TLCD1: variants seen among roughly 807,000 people sequenced by gnomAD.
TLCD1 encodes the protein TLC domain containing 1.
TLCD1 carries 21 observed loss-of-function variants against 21.2 expected under a neutral mutation model. The observed-to-expected ratio is 0.99, with a 90% confidence interval of 0.70 to 1.42. The LOEUF (loss-of-function observed/expected upper bound fraction) is 1.42. TLCD1 is among the 40% of genes most tolerant of loss of function. The probability of loss-of-function intolerance (pLI) is 0.00; values close to 1 mark genes in which losing one functional copy is unlikely to be tolerated. For missense variants in TLCD1, 344 were observed against 330.3 expected, an observed-to-expected ratio of 1.04 and a Z score of -0.32; for synonymous variants, 168 against 134.8, an observed-to-expected ratio of 1.25 and a Z score of -1.71.
rs770449295 is a variant in TLCD1 at position 28,726,077 on chromosome 17, G to A, written c.21C>T (p.Pro7=). The change falls in exon 1 of 4, where the codon CCC becomes CCT. Residue 7 remains proline, a synonymous_variant. Coordinates refer to ENST00000292090, the MANE Select transcript of TLCD1 (RefSeq NM_138463.4). MPRLLH[P]ALPLLLGATL... ...TGGCGCCCAGGAGCAGCGGCAGGGC[G>A]GGGTGCAGCAGTCGGGGCATGCTGG... 1.2e-5 allele frequency: 18 copies of A among 1,493,392 alleles called. No individual in the cohort carries two copies. The South Asian group carries it at 2.3e-4, about 19-fold the overall frequency. 92.5% of individuals were successfully genotyped at this position (1,493,392 alleles called of 1,614,324 possible).
chr17:28,726,048 A>C lies in TLCD1; in HGVS notation c.50T>G (p.Leu17Arg). The change falls in exon 1 of 4, where the codon CTG becomes CGG. Residue 17 changes from leucine to arginine, a missense_variant. Physicochemically the swap from Leu to Arg is moderately radical, Grantham distance 102 (BLOSUM62 -2). Transcript: ENST00000292090. ...PALPLLLGAT[L>R]TFRALRRALC... The stretch of plus-strand genomic sequence containing the variant: ...CGCGCGCCGGAGCGCCCGGAAGGTC[A>C]GCGTGGCGCCCAGGAGCAGCGGCAG... The C allele has an allele frequency of 6.4e-7, 1 of 1,566,406 alleles. No homozygotes were observed. The highest frequency in any genetic ancestry group is 8.6e-7 in the Non-Finnish European group (1 of 1,161,008).
upstream of TLCD1, chr17:28,726,276 CCGCCCCCAGCCGCCCG>C: frequency 8.4e-7 from 1 of 1,189,304 alleles, no homozygotes; most frequent in Non-Finnish European, 1.0e-6. Context: ...GCCTCTGCCC[CCGCCCCCAGCCGCCCG>C]CGCCCCCGCC....
chr17:28,726,208 C>A lies in TLCD1; in HGVS notation c.-111G>T. 2 of 1,369,448 alleles carry A rather than the reference C, an allele frequency of 1.5e-6. No homozygotes were observed. The highest frequency in any genetic ancestry group is 1.9e-6 in the Non-Finnish European group (2 of 1,069,550). The allele number at this position is 1,369,448 out of a possible 1,614,324, so 84.8% of individuals were successfully genotyped here. On this transcript the variant is annotated 5_prime_UTR_variant, in exon 1 of 4. Coordinates refer to ENST00000292090, the MANE Select transcript of TLCD1 (RefSeq NM_138463.4). ...GCCGCCTCTCCCGCCGGCCGCCAGC[C>A]CCACACAGTTGGCGAAGCCCTCTAG... is the stretch of plus-strand genomic sequence containing the variant.
Position 28,725,945 on chromosome 17 carries a change from G to A in TLCD1, c.153C>T (p.Ser51=). 1.2e-6 allele frequency: 2 copies of A among 1,612,976 alleles called. No individual in the cohort carries two copies. Among genetic ancestry groups the A allele is most frequent in the Non-Finnish European group, 1.7e-6 (2 of 1,179,848 alleles). ...RTWRWHNLLV[S]FAHSIVSGIW... The stretch of plus-strand genomic sequence containing the variant: ...TCCCCGACACAATGGAGTGAGCGAA[G>A]GAGACGAGCAGGTTGTGCCAGCGCC... The change falls in exon 1 of 4, where the codon TCC becomes TCT. Residue 51 remains serine, a synonymous_variant. Transcript: ENST00000292090.
upstream of TLCD1, chr17:28,727,190 C>T (rs1262753740): frequency 3.6e-5 from 6 of 164,994 alleles, no homozygotes; most frequent in African/African-American, 1.4e-4. Context: ...CGGGAAGAAG[C>T]GGGGGAGGGG....
chr17:28,726,750 G>A (rs1480821157), upstream of TLCD1: 4 of 1,548,864 alleles, frequency 2.6e-6, no homozygotes, highest in East Asian at 2.4e-5. Context: ...GGAGTCCCGT[G>A]TTTACCTGTC....
At chr17:28,726,701 A>T, upstream of TLCD1, 4 of 1,513,472 alleles carry the variant, frequency 2.6e-6, no homozygotes, top group Middle Eastern at 3.4e-4. Context: ...CTCCGTGCAG[A>T]CCCAGTGCCC....
At position 28,724,602 on chromosome 17, in the gene TLCD1, TCATCA is replaced by T; in HGVS notation, c.647_651del (p.Val216AspfsTer12). On this transcript the variant is annotated frameshift_variant, in exon 4 of 4. Coordinates refer to ENST00000292090, the MANE Select transcript of TLCD1 (RefSeq NM_138463.4). LOFTEE classifies it high-confidence loss of function. ...AGGAGGCGGGAAAAGTAGATTATGATCATCACGTCCAGCATGAGCAGGATACCCAG... is the reference window on the plus strand; with the variant it reads ...AGGAGGCGGGAAAAGTAGATTATGATCGTCCAGCATGAGCAGGATACCCAG... The T allele has an allele frequency of 6.2e-7, 1 of 1,613,980 alleles. No homozygotes were observed. The highest frequency in any genetic ancestry group is 8.5e-7 in the Non-Finnish European group (1 of 1,180,006).
upstream of TLCD1, chr17:28,726,956 T>A: frequency 1.3e-6 from 1 of 747,676 alleles, no homozygotes; most frequent in Non-Finnish European, 2.2e-6. Context: ...TGACCCGCGC[T>A]CTCCAAGCCG....
chr17:28,724,422 G>T lies in TLCD1; in HGVS notation c.*88C>A. On this transcript the variant is annotated 3_prime_UTR_variant, in exon 4 of 4. Transcript: ENST00000292090. ...AGAAGGTGGAGAGGCTGGCCTCAGA[G>T]GACACCCAGGCTTGGGGCTAAGTCC... The T allele has an allele frequency of 6.6e-7, 1 of 1,516,516 alleles. No individual in the cohort carries two copies. Among genetic ancestry groups the T allele is most frequent in the Non-Finnish European group, 8.9e-7 (1 of 1,124,564 alleles). The allele number at this position is 1,516,516 out of a possible 1,614,324, so 93.9% of individuals were successfully genotyped here.
At position 28,724,455 on chromosome 17, in the gene TLCD1, C is replaced by A. The variant is rs2034174691; in HGVS notation, c.*55G>T. On this transcript the variant is annotated 3_prime_UTR_variant, in exon 4 of 4. Transcript: ENST00000292090. ...AGGCTTGGGGCTAAGTCCCAGTGTCCATATGAAGCTGTTTCTGGCCTTGTC... is the reference window on the plus strand; with the variant it reads ...AGGCTTGGGGCTAAGTCCCAGTGTCAATATGAAGCTGTTTCTGGCCTTGTC... The A allele has an allele frequency of 1.3e-6, 2 of 1,578,652 alleles. No individual in the cohort carries two copies. The highest frequency in any genetic ancestry group is 1.2e-5 in the South Asian group (1 of 85,108).
In TLCD1 at chr17:28,724,806, A is replaced by G. The variant is rs1040847847; in HGVS notation, c.448T>C (p.Phe150Leu). 6.8e-6 allele frequency: 11 copies of G among 1,613,994 alleles called. No homozygotes were observed. The highest frequency in any genetic ancestry group is 9.3e-6 in the Non-Finnish European group (11 of 1,180,036). The change falls in exon 4 of 4, where the codon TTC (phenylalanine) becomes CTC (leucine). Residue 150 changes from phenylalanine to leucine, a missense_variant. Coordinates refer to ENST00000292090, the MANE Select transcript of TLCD1 (RefSeq NM_138463.4). The part of the protein sequence containing the change: ...LTLLVEVSNI[F>L]LTIRMMMKIS... ...TTCATCATCATGCGAATGGTGAGGA[A>G]GATGTTGCTGACTTCCACCAGTAGT...
upstream of TLCD1, chr17:28,726,299 C>G: frequency 9.1e-7 from 1 of 1,097,318 alleles, no homozygotes; most frequent in Non-Finnish European, 1.1e-6. Flanking sequence ...CCCGCGCCCC[C>G]GCCCCGCCCG....
At chr17:28,726,405 G>C (rs1415565510), upstream of TLCD1, among the ~76,000 whole-genome samples, 1 of 149,982 alleles carries the variant, frequency 6.7e-6, no homozygotes, top group Non-Finnish European at 1.5e-5. Context: ...GCCGGCTCCC[G>C]CGGACTTCGG....
Position 28,724,629 on chromosome 17 carries a change from C to T in TLCD1, c.625G>A (p.Gly209Ser). The change falls in exon 4 of 4, where the codon GGT (glycine) becomes AGT (serine). Residue 209 changes from glycine (G) to serine (S), a missense_variant. By Grantham distance (56) the Gly-to-Ser change is moderately conservative (BLOSUM62 0). Transcript: ENST00000292090. ...NQRTLGTFLL[G>S]ILLMLDVMII... is the part of the protein sequence containing the mutation. ...ATCACGTCCAGCATGAGCAGGATACCCAGCAGGAAGGTGCCCAGGGTCCTC... is the reference window on the plus strand; with the variant it reads ...ATCACGTCCAGCATGAGCAGGATACTCAGCAGGAAGGTGCCCAGGGTCCTC... 1 of 1,613,982 alleles carries T rather than the reference C, an allele frequency of 6.2e-7. No homozygotes were observed. Among genetic ancestry groups the T allele is most frequent in the South Asian group, 1.1e-5 (1 of 91,068 alleles).
upstream of TLCD1, chr17:28,726,749 T>C (rs530642978): frequency 1.5e-5 from 23 of 1,548,854 alleles, no homozygotes; most frequent in Non-Finnish European, 2.0e-5. Context: ...CGGAGTCCCG[T>C]GTTTACCTGT....
chr17:28,725,078 A>G (rs763268833), intron 3 of TLCD1, among the ~76,000 whole-genome samples, 185 bp from the exon 4 acceptor site: 3 of 152,182 alleles, frequency 2.0e-5, no homozygotes, highest in African/African-American at 4.8e-5. Flanking sequence ...TGCTGCTCAC[A>G]GCTGGCTGTG....
upstream of TLCD1, chr17:28,726,352 G>T: frequency 1.4e-6 from 1 of 706,828 alleles, no homozygotes; most frequent in Non-Finnish European, 1.8e-6. Context: ...CTCAGGCGCT[G>T]CTGCCGCGCG....
chr17:28,724,524 ACTTGT>A lies in TLCD1; in HGVS notation c.725_729del (p.Asp242ValfsTer4). 6.2e-7 allele frequency: 1 copy of A among 1,613,900 alleles called. No homozygotes were observed. The highest frequency in any genetic ancestry group is 8.5e-7 in the Non-Finnish European group (1 of 1,179,862). On this transcript the variant is annotated frameshift_variant, in exon 4 of 4. Coordinates refer to ENST00000292090, the MANE Select transcript of TLCD1 (RefSeq NM_138463.4). LOFTEE classifies it high-confidence loss of function. ...CTCTGTGCCCCTCACTCAGTCAAGA[ACTTGT>A]CTTTGTGTTGCTTCTTGGGGACATG...
Sources: gnomAD v4.1 joint callset for allele counts (sites outside exome capture counted in the v4.1 genomes callset) on GRCh38, gnomAD v4.1.1 for gene constraint, MANE v1.5 for transcripts, NCBI Gene and HGNC (gene_info 2026-07-23, HGNC 2026-07-21) for gene names.